The following PHEX variants were observed in gnomAD, a reference collection of about 807,000 sequenced individuals.
PHEX encodes the protein phosphate-regulating neutral endopeptidase PHEX.
In PHEX, 16 loss-of-function variants were observed where a neutral mutation model predicts 68.0. That is an observed-to-expected ratio of 0.24 (90% CI 0.16 to 0.36). The LOEUF (loss-of-function observed/expected upper bound fraction) is 0.36. Ranked by LOEUF, PHEX falls within the 10% of genes least tolerant of loss-of-function variation. The pLI is 1.00. For missense variants in PHEX, 480 were observed against 575.5 expected, an observed-to-expected ratio of 0.83 and a Z score of 1.70; for synonymous variants, 208 against 205.1, an observed-to-expected ratio of 1.01 and a Z score of -0.12.
At chrX:22,174,578 A>G (rs1933640307) in intron 13 of PHEX, among the ~76,000 whole-genome samples, 1 of 112,171 alleles carries the variant, frequency 8.9e-6, no homozygotes. Flanking sequence ...TGAGCCCAAG[A>G]ACATATCTGA....
chrX:22,228,331 A>G (rs940092561), intron 20 of PHEX, among the ~76,000 whole-genome samples: 1 of 111,717 alleles, frequency 9.0e-6, no homozygotes, highest in Non-Finnish European at 1.9e-5. Context: ...ACCGTGGGCA[A>G]ATGTGTATGA....
At chrX:22,212,482 G>A (rs1934960141) in intron 15 of PHEX, among the ~76,000 whole-genome samples, 1 of 111,738 alleles carries the variant, frequency 8.9e-6, no homozygotes, top group Admixed American at 9.5e-5. Flanking sequence ...AAATCATTAA[G>A]AATTTCAAGA....
intron 5 of PHEX, among the ~76,000 whole-genome samples, chrX:22,090,001 G>A (rs369032989): frequency 8.9e-6 from 1 of 112,207 alleles, no homozygotes; most frequent in East Asian, 2.8e-4. Flanking sequence ...ACTGCAATGA[G>A]AAAAATACTG....
At chrX:22,064,910 G>A (rs1928528229) in intron 3 of PHEX, among the ~76,000 whole-genome samples, 1 of 111,947 alleles carries the variant, frequency 8.9e-6, no homozygotes, top group African/African-American at 3.2e-5. Context: ...AAATCTGCAT[G>A]TAATTGCAGA....
At chrX:22,061,436 T>C (rs1167498257) in intron 3 of PHEX, among the ~76,000 whole-genome samples, 2 of 111,570 alleles carry the variant, frequency 1.8e-5, no homozygotes, top group East Asian at 5.6e-4. Flanking sequence ...AAATCCCCAT[T>C]TCTCCTCTGA....
intron 5 of PHEX, among the ~76,000 whole-genome samples, chrX:22,085,064 T>A (rs1302426288): frequency 9.0e-6 from 1 of 111,513 alleles, no homozygotes; most frequent in Non-Finnish European, 1.9e-5. Context: ...TTCCTTGAGT[T>A]GTATCATTAG....
chrX:22,210,905 G>A (rs1934899025), intron 15 of PHEX, among the ~76,000 whole-genome samples: 1 of 110,339 alleles, frequency 9.1e-6, no homozygotes, highest in African/African-American at 3.3e-5. Context: ...TTGCTTTCCT[G>A]TCCTCATTTC....
At chrX:22,241,380 A>C (rs1163136514) in intron 20 of PHEX, among the ~76,000 whole-genome samples, 2 of 111,911 alleles carry the variant, frequency 1.8e-5, no homozygotes, top group East Asian at 5.6e-4. Flanking sequence ...GAGAAGCAAG[A>C]GCAAACAAAT....
Position 22,097,054 on chromosome X carries a change from C to G in PHEX, c.933+16C>G, listed in dbSNP as rs1930174171. 2 of 1,102,348 alleles carry G rather than the reference C, an allele frequency of 1.8e-6. No homozygotes were observed. Among genetic ancestry groups the G allele is most frequent in the Non-Finnish European group, 2.5e-6 (2 of 795,531 alleles). 90.8% of individuals were successfully genotyped at this position (1,102,348 alleles called of 1,213,427 possible). ...GATTCCCCAGGTTGGTGAAAACTAT[C>G]CAGAAAACTTTCTCTCAACTCATCA... On this transcript the variant is annotated intron_variant, in intron 8 of 21. Transcript: ENST00000379374.
intron 12 of PHEX, among the ~76,000 whole-genome samples, chrX:22,140,796 A>G (rs1412478974): frequency 1.8e-5 from 2 of 112,129 alleles, no homozygotes; most frequent in East Asian, 5.6e-4. Flanking sequence ...TTTCTATTTC[A>G]AATAAAACAC....
At chrX:22,199,880 C>T (rs1001750178) in intron 15 of PHEX, among the ~76,000 whole-genome samples, 1 of 111,747 alleles carries the variant, frequency 8.9e-6, no homozygotes, top group Non-Finnish European at 1.9e-5. Flanking sequence ...GCATTGTGTG[C>T]GTGTGTGTAT....
At chrX:22,058,061 GGCA>G (rs1227024164) in intron 3 of PHEX, among the ~76,000 whole-genome samples, 5 of 111,922 alleles carry the variant, frequency 4.5e-5, no homozygotes, top group African/African-American at 1.6e-4. Flanking sequence ...GCCTCAGGAA[GGCA>G]GGACAGGGAC....
chrX:22,123,395 G>A (rs1019382998), intron 11 of PHEX, among the ~76,000 whole-genome samples: 6 of 111,280 alleles, frequency 5.4e-5, no homozygotes, highest in Admixed American at 1.9e-4. Context: ...AGGGATAAAA[G>A]TATACCTCCT....
intron 3 of PHEX, among the ~76,000 whole-genome samples, chrX:22,061,025 C>T (rs867858420): frequency 9.5e-6 from 1 of 105,043 alleles, no homozygotes; most frequent in East Asian, 2.8e-4. Flanking sequence ...TTGGTGGTAA[C>T]AATTCCTGAA....
At chrX:22,163,039 G>C (rs994350605) in intron 12 of PHEX, 1 of 111,633 alleles carries the variant, frequency 9.0e-6, no homozygotes, top group African/African-American at 3.3e-5. Context: ...ACTTGCGGAG[G>C]GGGGCATGGG....
chrX:22,209,394 C>T (rs1172696509), intron 15 of PHEX, among the ~76,000 whole-genome samples: 1 of 111,005 alleles, frequency 9.0e-6, no homozygotes, highest in Non-Finnish European at 1.9e-5. Context: ...TGTATGGATG[C>T]TTATTCTTTT....
chrX:22,106,956 T>C (rs937516105), intron 9 of PHEX, among the ~76,000 whole-genome samples: 11 of 110,865 alleles, frequency 9.9e-5, no homozygotes, highest in African/African-American at 3.6e-4. Context: ...ATAAGCAATA[T>C]TTATGTTGGG....
At chrX:22,139,455 A>G (rs1343098557) in intron 12 of PHEX, among the ~76,000 whole-genome samples, 2 of 112,084 alleles carry the variant, frequency 1.8e-5, no homozygotes, top group Non-Finnish European at 3.8e-5. Flanking sequence ...AATATCTGGT[A>G]TAAGTGGGAG....
intron 8 of PHEX, chrX:22,098,001 A>G: frequency 7.7e-6 from 1 of 130,315 alleles, no homozygotes; most frequent in Non-Finnish European, 1.6e-5. Flanking sequence ...CAAATGATCC[A>G]CCTGCCTCGG....
Sources: allele counts gnomAD v4.1 joint callset (sites outside exome capture counted in the v4.1 genomes callset), GRCh38; gene constraint gnomAD v4.1.1; transcripts MANE v1.5; gene names NCBI Gene and HGNC (gene_info 2026-07-23, HGNC 2026-07-21).